Variants in USP15 observed in about 807,000 individuals in gnomAD.
USP15 encodes the protein ubiquitin carboxyl-terminal hydrolase 15.
In USP15, 18 loss-of-function variants were observed where a neutral mutation model predicts 127.1. That is an observed-to-expected ratio of 0.14 (90% CI 0.10 to 0.21). The LOEUF is 0.21. Ranked by LOEUF, USP15 falls within the 10% of genes least tolerant of loss-of-function variation. USP15 has a pLI of 1.00. For synonymous variants in USP15, 364 were observed against 393.7 expected (o/e 0.92, Z 0.89); for missense variants, 805 against 1,159.9 (o/e 0.69, Z 4.44).
Position 62,276,092 on chromosome 12 carries a change from C to T in USP15, c.89+15589C>T, listed in dbSNP as rs369895262. On this transcript the variant is annotated intron_variant, in intron 1 of 21. Transcript: ENST00000280377. ...ATTTCAGATTGATGTATGTAAGAAT[C>T]GTGTGTAATGACCAGGTATGAGGCA... Among the ~76,000 whole-genome samples, 4 of 151,994 alleles carry T rather than the reference C, an allele frequency of 2.6e-5. No individual in the cohort carries two copies. In the East Asian group the frequency reaches 7.7e-4, roughly 29 times the overall value.
intron 2 of USP15, among the ~76,000 whole-genome samples, chr12:62,300,054 C>G (rs1592532788): frequency 1.3e-5 from 2 of 151,994 alleles, no homozygotes; most frequent in African/African-American, 4.8e-5. Context: ...GGATGCTAGA[C>G]CCTTATCAGA....
intron 8 of USP15, among the ~76,000 whole-genome samples, chr12:62,366,110 G>T (rs2066469113): frequency 6.6e-6 from 1 of 152,112 alleles, no homozygotes; most frequent in African/African-American, 2.4e-5. Flanking sequence ...TAGCTTGATG[G>T]GGATAGCATT....
chr12:62,317,869 T>A (rs1357998678), intron 4 of USP15, among the ~76,000 whole-genome samples: 1 of 152,220 alleles, frequency 6.6e-6, no homozygotes. Flanking sequence ...AAAATTGATA[T>A]ATTTGAGCAT....
intron 6 of USP15, among the ~76,000 whole-genome samples, chr12:62,339,351 C>A (rs1439150883): frequency 6.6e-6 from 1 of 152,156 alleles, no homozygotes; most frequent in Non-Finnish European, 1.5e-5. Context: ...GACCATTTGA[C>A]TTCCTCTCTT....
At position 62,413,216 on chromosome 12, in the gene USP15, G is replaced by A. The variant is rs1163624554; in HGVS notation, c.*8841G>A. ...TATTTAGTAAACCTTCCTATAAACG[G>A]ATGTGCTACCATCCAGGCTTTATGG... On this transcript the variant is annotated 3_prime_UTR_variant, in exon 22 of 22. Coordinates refer to ENST00000280377, the MANE Select transcript of USP15 (RefSeq NM_001252078.2). 6.6e-6 allele frequency: 1 copy of A among 152,134 alleles called. No homozygotes were observed. Among genetic ancestry groups the A allele is most frequent in the Non-Finnish European group, 1.5e-5 (1 of 68,028 alleles). The allele number at this position is 152,134 out of a possible 1,614,324, so 9.4% of individuals were successfully genotyped here.
intron 4 of USP15, among the ~76,000 whole-genome samples, chr12:62,318,671 G>A (rs1048783021): frequency 6.6e-6 from 1 of 151,982 alleles, no homozygotes; most frequent in African/African-American, 2.4e-5. Context: ...CATAATTCCA[G>A]TTTGAACTAT....
intron 8 of USP15, among the ~76,000 whole-genome samples, chr12:62,360,651 A>T (rs2066286552): frequency 6.6e-6 from 1 of 152,052 alleles, no homozygotes; most frequent in Non-Finnish European, 1.5e-5. Context: ...TTAAATTACC[A>T]ACCTTATATT....
At chr12:62,287,466 T>C (rs1749946488) in intron 1 of USP15, among the ~76,000 whole-genome samples, 1 of 152,236 alleles carries the variant, frequency 6.6e-6, no homozygotes, top group Non-Finnish European at 1.5e-5. Flanking sequence ...AAATTCTGAA[T>C]ATTAGTCCTT....
At chr12:62,349,416 G>T in intron 7 of USP15, 109 bp downstream of exon 7, 1 of 641,570 alleles carries the variant, frequency 1.6e-6, no homozygotes, top group Non-Finnish European at 2.3e-6. Context: ...CATTAAAATT[G>T]GTTTTCTTTT....
chr12:62,276,039 A>G lies in USP15; in HGVS notation c.89+15536A>G, dbSNP rs180795624. Among the ~76,000 whole-genome samples the G allele has an allele frequency of 2.8e-3, 422 of 152,256 alleles. 1 individual carries two copies. The highest frequency in any genetic ancestry group is 9.6e-3 in the African/African-American group (400 of 41,558). On this transcript the variant is annotated intron_variant, in intron 1 of 21. Coordinates refer to ENST00000280377, the MANE Select transcript of USP15 (RefSeq NM_001252078.2). The stretch of plus-strand genomic sequence containing the variant: ...CATTTTCTTTAGTAACTATGAACCC[A>G]GATAATATTAACATTATGATAAAAA...
chr12:62,267,409 A>G (rs570437284), intron 1 of USP15, among the ~76,000 whole-genome samples: 36 of 152,282 alleles, frequency 2.4e-4, no homozygotes, highest in Middle Eastern at 6.8e-3. Flanking sequence ...AAAGAAGGAA[A>G]TAAGTTCCAA....
intron 6 of USP15, among the ~76,000 whole-genome samples, chr12:62,329,835 G>A (rs1350145892): frequency 6.7e-6 from 1 of 149,264 alleles, no homozygotes. Flanking sequence ...CGATGTGAGT[G>A]TAAACTAATA....
intron 6 of USP15, among the ~76,000 whole-genome samples, chr12:62,327,937 C>T (rs1431784225): frequency 6.7e-6 from 1 of 149,658 alleles, no homozygotes; most frequent in Non-Finnish European, 1.5e-5. Flanking sequence ...TCATAAATTG[C>T]CAAATAATAA....
chr12:62,302,581 T>A (rs1367018190), intron 2 of USP15, among the ~76,000 whole-genome samples: 7 of 152,178 alleles, frequency 4.6e-5, no homozygotes, highest in East Asian at 3.9e-4. Context: ...ATGATTTTTT[T>A]AAGCTCATCA....
intron 1 of USP15, among the ~76,000 whole-genome samples, chr12:62,281,383 C>T (rs796795181): frequency 9.2e-5 from 14 of 152,282 alleles, no homozygotes; most frequent in African/African-American, 3.4e-4. Flanking sequence ...ATTGCCCAGG[C>T]TGGAGTGCAG....
chr12:62,355,690 T>C (rs1360097933), intron 8 of USP15, among the ~76,000 whole-genome samples: 1 of 151,814 alleles, frequency 6.6e-6, no homozygotes, highest in Non-Finnish European at 1.5e-5. Flanking sequence ...TAACATAATG[T>C]ACAAGATTAT....
At chr12:62,361,293 C>T (rs1455982505) in intron 8 of USP15, among the ~76,000 whole-genome samples, 3 of 151,950 alleles carry the variant, frequency 2.0e-5, no homozygotes, top group Admixed American at 6.6e-5. Context: ...TTTGATTTGT[C>T]GCTGTTCACA....
At position 62,404,595 on chromosome 12, in the gene USP15, A is replaced by T. The variant is rs547617543; in HGVS notation, c.*220A>T. On this transcript the variant is annotated 3_prime_UTR_variant, in exon 22 of 22. Transcript: ENST00000280377. ...TTAATACATTTACAGTCTTGTATTT[A>T]CAAGCTAAATATATATAGGAAATCA... 20 of 398,176 alleles carry T rather than the reference A, an allele frequency of 5.0e-5. No individual in the cohort carries two copies. The highest frequency in any genetic ancestry group is 4.0e-4 in the African/African-American group (19 of 48,000). The allele number at this position is 398,176 out of a possible 1,614,324, so 24.7% of individuals were successfully genotyped here. A position where few individuals can be genotyped will look rare whatever the true frequency, so the allele number is the denominator to read the frequency against.
chr12:62,367,448 C>T (rs1477627139), intron 8 of USP15, among the ~76,000 whole-genome samples: 3 of 152,032 alleles, frequency 2.0e-5, no homozygotes, highest in African/African-American at 4.8e-5. Flanking sequence ...AGGATGGTCT[C>T]GATCTCCTGA....
Sources: allele counts gnomAD v4.1 joint callset (sites outside exome capture counted in the v4.1 genomes callset), GRCh38; gene constraint gnomAD v4.1.1; transcripts MANE v1.5; gene names NCBI Gene and HGNC (gene_info 2026-07-23, HGNC 2026-07-21).